The following EOGT variants were observed in gnomAD, a reference collection of about 807,000 sequenced individuals.
EOGT encodes EGF domain specific O-linked N-acetylglucosamine transferase, also known as EGF domain-specific O-linked N-acetylglucosamine transferase.
In EOGT, 55 loss-of-function variants were observed where a neutral mutation model predicts 70.5. That is an observed-to-expected ratio of 0.78 (90% CI 0.63 to 0.98). EOGT has a LOEUF of 0.98. Ranked by LOEUF, EOGT falls within the 50% of genes least tolerant of loss-of-function variation. The pLI, the probability that EOGT is intolerant of heterozygous loss-of-function variation, is 0.00. For synonymous variants in EOGT, 246 were observed against 217.1 expected, an observed-to-expected ratio of 1.13 and a Z score of -1.17; for missense variants, 703 against 641.9, an observed-to-expected ratio of 1.10 and a Z score of -1.03.
At chr3:68,989,096 G>A (rs2090902694) in intron 10 of EOGT, 79 bp from the exon 11 acceptor site, 5 of 762,242 alleles carry the variant, frequency 6.6e-6, no homozygotes, top group African/African-American at 3.6e-5. Flanking sequence ...CAAAATACCT[G>A]AATTTGCCTG....
chr3:68,985,949 C>A (rs2090793674), intron 14 of EOGT, among the ~76,000 whole-genome samples: 2 of 152,206 alleles, frequency 1.3e-5, no homozygotes, highest in African/African-American at 2.4e-5. Flanking sequence ...CACTGCCTCA[C>A]CTTTTCCAGC....
intron 8 of EOGT, among the ~76,000 whole-genome samples, chr3:69,002,164 G>A (rs1344893694): frequency 6.6e-6 from 1 of 152,146 alleles, no homozygotes; most frequent in African/African-American, 2.4e-5. Context: ...AAGGAGCCGA[G>A]GCTTACAACA....
At chr3:68,983,047 C>T (rs1260687796) in intron 14 of EOGT, among the ~76,000 whole-genome samples, 175 bp from the exon 15 acceptor site, 4 of 152,164 alleles carry the variant, frequency 2.6e-5, no homozygotes, top group African/African-American at 9.7e-5. Flanking sequence ...GTCAATAGTT[C>T]TGAACTGTCA....
Position 68,977,621 on chromosome 3 carries a change from T to C in EOGT, c.1581A>G (p.Leu527=). The change falls in exon 18 of 18, where the codon CTA becomes CTG. Residue 527 remains leucine, a synonymous_variant. Transcript: ENST00000383701. ...KWPFKKKHDE[L] is the part of the protein sequence containing the mutation. ...TTTGCAAACAGACTCAGCATATTTA[T>C]AGCTCATCATGTTTCTTCTTAAATG... 1.2e-6 allele frequency: 2 copies of C among 1,613,908 alleles called. No homozygotes were observed. Among genetic ancestry groups the C allele is most frequent in the South Asian group, 1.1e-5 (1 of 90,998 alleles).
intron 10 of EOGT, among the ~76,000 whole-genome samples, chr3:68,990,766 G>T (rs895021933): frequency 3.3e-5 from 5 of 152,134 alleles, no homozygotes; most frequent in Non-Finnish European, 7.3e-5. Flanking sequence ...AATATGCATT[G>T]TAGCACTACA....
chr3:68,978,452 G>A lies in EOGT; in HGVS notation c.1335-17C>T. On this transcript the variant is annotated splice_polypyrimidine_tract_variant and intron_variant, in intron 16 of 17. Transcript: ENST00000383701. ...CAGTTGTACCTAAGGACACAAGGGT[G>A]TCACAACATGAGGCTTTTGTCCAAG... 6.5e-7 allele frequency: 1 copy of A among 1,539,192 alleles called. No individual in the cohort carries two copies. Among genetic ancestry groups the A allele is most frequent in the East Asian group, 2.3e-5 (1 of 43,368 alleles).
chr3:68,983,014 G>C (rs1447009332), intron 14 of EOGT, 142 bp from the exon 15 acceptor site: 7 of 441,386 alleles, frequency 1.6e-5, no homozygotes, highest in Non-Finnish European at 2.8e-5. Flanking sequence ...CAAATAAAAA[G>C]AAAATAAATA....
At position 68,975,931 on chromosome 3, in the gene EOGT, ATTC is replaced by A. The variant is rs2090461792; in HGVS notation, c.*1684_*1686del. The A allele has an allele frequency of 6.6e-6, 1 of 152,170 alleles. No homozygotes were observed. Among genetic ancestry groups the A allele is most frequent in the African/African-American group, 2.4e-5 (1 of 41,448 alleles). The allele number at this position is 152,170 out of a possible 1,614,324, so 9.4% of individuals were successfully genotyped here. On this transcript the variant is annotated 3_prime_UTR_variant, in exon 18 of 18. Transcript: ENST00000383701. Reference sequence around the variant, plus strand: ...AATATTTTTAAAAAATTATTTAGCTATTCTGTAATTTGTTACTCCATTATTTTA... The same window carrying A: ...AATATTTTTAAAAAATTATTTAGCTATGTAATTTGTTACTCCATTATTTTA...
In EOGT at chr3:69,004,464, G is replaced by GA. The variant is rs1284279694; in HGVS notation, c.533dup (p.Gln179ProfsTer4). On this transcript the variant is annotated frameshift_variant, in exon 8 of 18. Coordinates refer to ENST00000383701, the MANE Select transcript of EOGT (RefSeq NM_001278689.2). LOFTEE classifies it high-confidence loss of function. The stretch of plus-strand genomic sequence containing the variant: ...AGTGCCCTCCAATTTCACCACTCTG[G>GA]AAAAAGTCCTCCTTAAATCTGGTAT... The GA allele has an allele frequency of 6.2e-7, 1 of 1,613,460 alleles. No individual in the cohort carries two copies. Among genetic ancestry groups the GA allele is most frequent in the Non-Finnish European group, 8.5e-7 (1 of 1,179,486 alleles).
intron 14 of EOGT, among the ~76,000 whole-genome samples, chr3:68,984,053 T>A (rs927420247): frequency 2.6e-4 from 40 of 152,210 alleles, no homozygotes; most frequent in African/African-American, 9.6e-4. Context: ...CTCAGAGAAG[T>A]GAAATAACTT....
At chr3:68,984,999 T>G (rs1048151837) in intron 14 of EOGT, among the ~76,000 whole-genome samples, 1 of 152,148 alleles carries the variant, frequency 6.6e-6, no homozygotes, top group African/African-American at 2.4e-5. Context: ...TTAGGCATGT[T>G]TTTTAACCAC....
At chr3:68,988,626 C>T in intron 11 of EOGT, 49 bp from the exon 12 acceptor site, 1 of 1,115,338 alleles carries the variant, frequency 9.0e-7, no homozygotes, top group South Asian at 1.5e-5. Context: ...ACCCTTCACA[C>T]CAAAAATAGC....
intron 14 of EOGT, among the ~76,000 whole-genome samples, chr3:68,985,082 TG>T (rs1487214648): frequency 1.3e-5 from 2 of 152,070 alleles, no homozygotes; most frequent in Admixed American, 6.5e-5. Flanking sequence ...CTGGGAGGGT[TG>T]GGGGGCACAA....
intron 9 of EOGT, 58 bp from the exon 10 acceptor site, chr3:68,998,172 G>C (rs2091203530): frequency 1.1e-6 from 1 of 905,708 alleles, no homozygotes; most frequent in East Asian, 2.5e-5. Flanking sequence ...GATCAAGCAA[G>C]TTTTATTCTA....
At position 69,001,489 on chromosome 3, in the gene EOGT, A is replaced by C. The variant is rs1165850117; in HGVS notation, c.727+119T>G. On this transcript the variant is annotated intron_variant, in intron 9 of 17. Coordinates refer to ENST00000383701, the MANE Select transcript of EOGT (RefSeq NM_001278689.2). ...ACTTCTTCAGAGAAGAAAGCAAAAA[A>C]AACAAATCTACTGTTTGTCATACTG... 8.0e-6 allele frequency: 5 copies of C among 626,982 alleles called. No individual in the cohort carries two copies. The East Asian group carries it at 1.5e-4, about 19-fold the overall frequency. The allele number at this position is 626,982 out of a possible 1,614,324, so 38.8% of individuals were successfully genotyped here.
Position 68,994,864 on chromosome 3 carries a change from A to G in EOGT, c.831+3147T>C, listed in dbSNP as rs556481089. ...CAAGCAAATGTGGAAAGCCTGCCGT[A>G]ATTTCTCCTTTTATTCATTCTGTTT... On this transcript the variant is annotated intron_variant, in intron 10 of 17. Coordinates refer to ENST00000383701, the MANE Select transcript of EOGT (RefSeq NM_001278689.2). 3.6e-3 allele frequency among the ~76,000 whole-genome samples: 550 copies of G among 152,312 alleles called. 1 individual carries two copies. Among genetic ancestry groups the G allele is most frequent in the Middle Eastern group, 6.8e-3 (2 of 294 alleles).
chr3:69,004,555 A>G (rs1287183894), intron 7 of EOGT, 73 bp from the exon 8 acceptor site: 1 of 945,932 alleles, frequency 1.1e-6, no homozygotes, highest in African/African-American at 1.6e-5. Flanking sequence ...TTGTAACTAA[A>G]GTGGATTACC....
chr3:69,005,118 T>A, intron 7 of EOGT, 22 bp downstream of exon 7: 1 of 1,318,480 alleles, frequency 7.6e-7, no homozygotes, highest in Non-Finnish European at 1.1e-6. Context: ...ATACTAGATG[T>A]TAACATTAAC....
At chr3:68,986,721 G>A (rs2090819105) in intron 14 of EOGT, among the ~76,000 whole-genome samples, 1 of 152,072 alleles carries the variant, frequency 6.6e-6, no homozygotes, top group African/African-American at 2.4e-5. Flanking sequence ...ACTTATCACT[G>A]CCTGACATCA....
Sources: allele counts gnomAD v4.1 joint callset (sites outside exome capture counted in the v4.1 genomes callset), GRCh38; gene constraint gnomAD v4.1.1; transcripts MANE v1.5; gene names NCBI Gene and HGNC (gene_info 2026-07-23, HGNC 2026-07-21).